The following ARID1B variants were observed in gnomAD, a reference collection of about 807,000 sequenced individuals.
ARID1B encodes AT-rich interactive domain-containing protein 1B.
In ARID1B, 30 loss-of-function variants were observed where a neutral mutation model predicts 212.3. The ratio of observed to expected loss-of-function variants is 0.14; its 90% CI spans 0.11 to 0.19. ARID1B has a LOEUF of 0.19. Among genes scored for constraint, ARID1B ranks in the 10% least tolerant of loss-of-function variants. The pLI is 1.00. For synonymous variants in ARID1B, 1,402 were observed against 1,301.7 expected (o/e 1.08, Z -1.66); for missense variants, 2,891 against 3,204.0 (o/e 0.90, Z 2.36).
chr6:157,027,791 A>G (rs527474641), intron 4 of ARID1B, among the ~76,000 whole-genome samples: 1 of 152,346 alleles, frequency 6.6e-6, no homozygotes, highest in Admixed American at 6.5e-5. Context: ...TATGTCTTCT[A>G]CATAGTGACT....
chr6:157,155,985 C>T (rs1353652488), intron 8 of ARID1B, among the ~76,000 whole-genome samples: 5 of 152,194 alleles, frequency 3.3e-5, no homozygotes, highest in East Asian at 1.9e-4. Context: ...CATTTGCCAG[C>T]AAGGCACTTT....
intron 4 of ARID1B, 42 bp from the exon 5 acceptor site, chr6:157,084,620 T>A (rs2128461738): frequency 6.3e-7 from 1 of 1,593,842 alleles, no homozygotes; most frequent in Non-Finnish European, 8.6e-7. Flanking sequence ...GAGATATTCA[T>A]CCAAACGTGT....
At chr6:156,892,059 TC>T (rs1373530440) in intron 2 of ARID1B, among the ~76,000 whole-genome samples, 87 of 89,002 alleles carry the variant, frequency 9.8e-4, no homozygotes, top group African/African-American at 2.6e-3. Flanking sequence ...TTTTTTTTTT[TC>T]TTTTTTTTTT....
At chr6:157,083,486 TTGTC>T (rs1286210599) in intron 4 of ARID1B, among the ~76,000 whole-genome samples, 1 of 151,916 alleles carries the variant, frequency 6.6e-6, no homozygotes, top group African/African-American at 2.4e-5. Context: ...AGTAAAGGCT[TTGTC>T]TGCGTCCTCT....
rs745601758 is a variant in ARID1B at position 157,184,495 on chromosome 6, T to TC, written c.3919+62dup. On this transcript the variant is annotated intron_variant, in intron 13 of 19. Coordinates refer to ENST00000636930, the MANE Select transcript of ARID1B (RefSeq NM_001374828.1). ...AGCCCAGGCGCCTGGCCTGGGAGGT[T>TC]CCGGGAAGGTGGTTTCACAGTCAGG... is the stretch of plus-strand genomic sequence containing the variant. 4 of 1,593,712 alleles carry TC rather than the reference T, an allele frequency of 2.5e-6. No homozygotes were observed. The South Asian group carries it at 4.5e-5, about 18-fold the overall frequency.
At chr6:156,896,228 G>T (rs766986592) in intron 2 of ARID1B, among the ~76,000 whole-genome samples, 1 of 152,096 alleles carries the variant, frequency 6.6e-6, no homozygotes, top group Non-Finnish European at 1.5e-5. Context: ...TTAACAAGGC[G>T]CATGGCCGGG....
intron 13 of ARID1B, chr6:157,186,302 C>G (rs560951682): frequency 5.5e-6 from 2 of 362,080 alleles, no homozygotes; most frequent in Admixed American, 7.6e-5. Flanking sequence ...ATCATTTTAA[C>G]TACACAAAAG....
At chr6:156,816,016 A>G (rs1191834767) in intron 1 of ARID1B, among the ~76,000 whole-genome samples, 1 of 152,244 alleles carries the variant, frequency 6.6e-6, no homozygotes, top group African/African-American at 2.4e-5. Context: ...TATGTTATGA[A>G]TCTTGAAGAA....
chr6:156,926,012 T>A (rs1791190060), intron 3 of ARID1B, among the ~76,000 whole-genome samples: 1 of 152,334 alleles, frequency 6.6e-6, no homozygotes, highest in South Asian at 2.1e-4. Context: ...AATAGTGAAG[T>A]TGGCATTTGA....
At chr6:156,779,564 C>T (rs896341761) in intron 1 of ARID1B, 93 bp downstream of exon 1, 24 of 1,133,004 alleles carry the variant, frequency 2.1e-5, no homozygotes, top group Middle Eastern at 3.4e-4. Flanking sequence ...TTTTCCCCGT[C>T]TTCCCGCGGG....
intron 19 of ARID1B, 73 bp downstream of exon 19, chr6:157,204,069 A>ACT: frequency 1.3e-6 from 2 of 1,580,074 alleles, no homozygotes; most frequent in Non-Finnish European, 1.7e-6. Flanking sequence ...TTGTGCTTGA[A>ACT]CTAATGCCTG....
At position 156,791,759 on chromosome 6, in the gene ARID1B, T is replaced by C. The variant is rs117552303; in HGVS notation, c.1791+12288T>C. Among the ~76,000 whole-genome samples the C allele has an allele frequency of 4.2e-4, 64 of 152,260 alleles. 1 individual carries two copies. In the East Asian group the frequency reaches 0.012, roughly 28 times the overall value. On this transcript the variant is annotated intron_variant, in intron 1 of 19. Coordinates refer to ENST00000636930, the MANE Select transcript of ARID1B (RefSeq NM_001374828.1). The stretch of plus-strand genomic sequence containing the variant: ...GAAAATACCCACCGTCTGTTCACAA[T>C]GTGCTGATGTGCAGGATCCGAAGAG...
At chr6:156,824,298 GA>G (rs1374939733) in intron 1 of ARID1B, among the ~76,000 whole-genome samples, 1 of 152,180 alleles carries the variant, frequency 6.6e-6, no homozygotes, top group Admixed American at 6.5e-5. Flanking sequence ...TTATTTTCTG[GA>G]ATTGAAACTC....
intron 4 of ARID1B, among the ~76,000 whole-genome samples, chr6:156,960,348 C>T (rs1437367229): frequency 6.6e-6 from 1 of 152,090 alleles, no homozygotes; most frequent in Non-Finnish European, 1.5e-5. Context: ...TCCTTATTGA[C>T]TCATAGTGCA....
At chr6:157,129,850 G>A (rs1412969010) in intron 6 of ARID1B, among the ~76,000 whole-genome samples, 1 of 152,190 alleles carries the variant, frequency 6.6e-6, no homozygotes, top group Non-Finnish European at 1.5e-5. Flanking sequence ...TATAATGAGT[G>A]TCACAGAGGC....
chr6:157,110,619 G>A (rs1481032565), intron 6 of ARID1B, 58 bp downstream of exon 6: 15 of 1,531,826 alleles, frequency 9.8e-6, no homozygotes, highest in East Asian at 4.5e-5. Flanking sequence ...TAAGGCGTAC[G>A]TGAGTTTGCT....
chr6:156,873,563 A>T (rs778649594), intron 2 of ARID1B, among the ~76,000 whole-genome samples: 3 of 152,268 alleles, frequency 2.0e-5, no homozygotes, highest in Non-Finnish European at 4.4e-5. Flanking sequence ...TCTGGAATCT[A>T]CAAATGATCT....
At chr6:156,918,672 C>G (rs1007887056) in intron 3 of ARID1B, among the ~76,000 whole-genome samples, 21 of 152,156 alleles carry the variant, frequency 1.4e-4, no homozygotes, top group Admixed American at 1.1e-3. Context: ...TCCGAGGAGA[C>G]AACTTCTGGG....
rs748612113 is a variant in ARID1B, at chr6:157,207,075, G to A, written c.6303G>A (p.Leu2101=). 6.2e-7 allele frequency: 1 copy of A among 1,614,226 alleles called. No homozygotes were observed. The highest frequency in any genetic ancestry group is 1.7e-5 in the Admixed American group (1 of 60,034). Residue 2101 remains leucine, a synonymous_variant, in exon 20 of 20, where the codon CTG becomes CTA. Coordinates refer to ENST00000636930, the MANE Select transcript of ARID1B (RefSeq NM_001374828.1). This position sits in a 1 kb window ranked among gnomAD's most constrained non-coding sequence, Gnocchi z 8.5. ...GCCTGGTGCTGATCCTGGGGAAGCT[G>A]ATTCTTCTTCACCACGAGCATCCAG... The part of the protein sequence containing the change: ...HPGLVLILGK[L]ILLHHEHPER...
Sources: gnomAD v4.1 joint callset for allele counts (sites outside exome capture counted in the v4.1 genomes callset) on GRCh38, gnomAD v4.1.1 for gene constraint, Gnocchi (gnomAD v3.1) non-coding constraint, MANE v1.5 for transcripts, NCBI Gene and HGNC (gene_info 2026-07-23, HGNC 2026-07-21) for gene names.